The following PIK3CA variants were observed in gnomAD, a reference collection of about 807,000 sequenced individuals.
PIK3CA encodes the protein phosphatidylinositol-4,5-bisphosphate 3-kinase catalytic subunit alpha.
PIK3CA carries 27 observed loss-of-function variants against 138.2 expected under a neutral mutation model. That is an observed-to-expected ratio of 0.20 (90% CI 0.14 to 0.27). PIK3CA has a LOEUF of 0.27. PIK3CA is among the 10% of genes least tolerant of loss of function. The pLI is 1.00. For missense variants in PIK3CA, 544 were observed against 1,277.4 expected, an observed-to-expected ratio of 0.43 and a Z score of 8.75; for synonymous variants, 358 against 413.2, an observed-to-expected ratio of 0.87 and a Z score of 1.62.
chr3:179,171,822 A>G (rs1420096317), intron 1 of PIK3CA, among the ~76,000 whole-genome samples: 1 of 152,140 alleles, frequency 6.6e-6, no homozygotes, highest in East Asian at 1.9e-4. Flanking sequence ...GAAGAAAAAA[A>G]TACAAGTCCC....
chr3:179,214,613 C>G (rs1724795335), intron 9 of PIK3CA, among the ~76,000 whole-genome samples: 1 of 151,958 alleles, frequency 6.6e-6, no homozygotes, highest in Non-Finnish European at 1.5e-5. Flanking sequence ...AAATGTGACA[C>G]AGAGACAAAA....
chr3:179,197,957 C>T (rs996028791), intron 1 of PIK3CA, among the ~76,000 whole-genome samples: 1 of 152,158 alleles, frequency 6.6e-6, no homozygotes, highest in Non-Finnish European at 1.5e-5. Flanking sequence ...GAACATTGCA[C>T]TAACAGAGAG....
chr3:179,197,302 G>A (rs962582170), intron 1 of PIK3CA, among the ~76,000 whole-genome samples: 4 of 152,154 alleles, frequency 2.6e-5, no homozygotes, highest in African/African-American at 9.7e-5. Context: ...CTCCCAAAAT[G>A]CTAGGATTAC....
chr3:179,206,824 G>A (rs1724573294), intron 6 of PIK3CA, among the ~76,000 whole-genome samples: 1 of 151,696 alleles, frequency 6.6e-6, no homozygotes, highest in African/African-American at 2.4e-5. Flanking sequence ...AGGGTGAGGT[G>A]GGAGGATCAC....
chr3:179,220,248 C>T lies in PIK3CA; in HGVS notation c.2015+196C>T, dbSNP rs1442913589. Among the ~76,000 whole-genome samples, 4 of 152,112 alleles carry T rather than the reference C, an allele frequency of 2.6e-5. No homozygotes were observed. The highest frequency in any genetic ancestry group is 7.2e-5 in the African/African-American group (3 of 41,460). On this transcript the variant is annotated intron_variant, in intron 13 of 20. Coordinates refer to ENST00000263967, the MANE Select transcript of PIK3CA (RefSeq NM_006218.4). This position sits in a 1 kb window ranked among gnomAD's most constrained non-coding sequence, Gnocchi z 4.1. The stretch of plus-strand genomic sequence containing the variant: ...AATTTAAAAAGCAGTAAATTCAAAA[C>T]TAAATTTTAGTCATGAATGAGAGCT...
intron 1 of PIK3CA, among the ~76,000 whole-genome samples, chr3:179,171,093 T>C (rs1000129040): frequency 6.6e-6 from 1 of 152,078 alleles, no homozygotes; most frequent in Non-Finnish European, 1.5e-5. Context: ...TTATATGGTA[T>C]GTTTTGCAAC....
Position 179,237,068 on chromosome 3 carries a change from AAC to A in PIK3CA, c.*2709_*2710del, listed in dbSNP as rs1348659456. 3 of 195,158 alleles carry A rather than the reference AAC, an allele frequency of 1.5e-5. No homozygotes were observed. The highest frequency in any genetic ancestry group is 1.9e-4 in the South Asian group (1 of 5,206). 12.1% of individuals were successfully genotyped at this position (195,158 alleles called of 1,614,324 possible). A position where few individuals can be genotyped will look rare whatever the true frequency, so the allele number is the denominator to read the frequency against. On this transcript the variant is annotated 3_prime_UTR_variant, in exon 21 of 21. Transcript: ENST00000263967. ...TCTAAAAGTAATAAAAATAATTTTA[AAC>A]ACACTGTAGTAAGAAATGACTGTTG...
chr3:179,223,184 GTGA>G (rs1311199229), intron 14 of PIK3CA, among the ~76,000 whole-genome samples: 1 of 152,184 alleles, frequency 6.6e-6, no homozygotes, highest in Non-Finnish European at 1.5e-5. Context: ...TATCTAGTCA[GTGA>G]TGATTAGATT....
rs2108417928 is a variant in PIK3CA at position 179,224,742 on chromosome 3, G to A, written c.2337G>A (p.Leu779=). 6.2e-7 allele frequency: 1 copy of A among 1,608,872 alleles called. No homozygotes were observed. Among genetic ancestry groups the A allele is most frequent in the African/African-American group, 1.3e-5 (1 of 74,876 alleles). ...CRIMSSAKRP[L]WLNWENPDIM... is the part of the protein sequence containing the mutation. ...TTATGTCCTCTGCAAAAAGGCCACT[G>A]TGGTTGAATTGGGAGAACCCAGACA... is the stretch of plus-strand genomic sequence containing the variant. The change falls in exon 16 of 21, where the codon CTG becomes CTA. Residue 779 remains leucine (L), a synonymous_variant. Coordinates refer to ENST00000263967, the MANE Select transcript of PIK3CA (RefSeq NM_006218.4).
In PIK3CA at chr3:179,225,921, T is replaced by A; in HGVS notation, c.2417-41T>A. On this transcript the variant is annotated intron_variant, in intron 16 of 20. Transcript: ENST00000263967. Reference sequence around the variant, plus strand: ...TGATGGCGTGATCCCCAAATTTGCATCTGTGGCATTAAATGGTGATACATA... The same window carrying A: ...TGATGGCGTGATCCCCAAATTTGCAACTGTGGCATTAAATGGTGATACATA... The A allele has an allele frequency of 3.0e-6, 3 of 1,001,438 alleles. No homozygotes were observed. The South Asian group carries it at 3.9e-5, about 13-fold the overall frequency. The allele number at this position is 1,001,438 out of a possible 1,614,324, so 62.0% of individuals were successfully genotyped here. A position where few individuals can be genotyped will look rare whatever the true frequency, so the allele number is the denominator to read the frequency against.
chr3:179,238,854 C>T lies in PIK3CA; in HGVS notation c.*4490C>T, dbSNP rs1233310531. The T allele has an allele frequency of 9.1e-6, 2 of 220,438 alleles. No homozygotes were observed. Among genetic ancestry groups the T allele is most frequent in the African/African-American group, 2.2e-5 (1 of 44,554 alleles). 13.7% of individuals were successfully genotyped at this position (220,438 alleles called of 1,614,324 possible). A position where few individuals can be genotyped will look rare whatever the true frequency, so the allele number is the denominator to read the frequency against. On this transcript the variant is annotated 3_prime_UTR_variant, in exon 21 of 21. Coordinates refer to ENST00000263967, the MANE Select transcript of PIK3CA (RefSeq NM_006218.4). ...AAAGAAATATCAAGGTTCTAAAATT[C>T]GGAAGAGTTTAGAATTTATTAGGAG...
chr3:179,154,211 G>A (rs1723077485), intron 1 of PIK3CA, among the ~76,000 whole-genome samples: 1 of 152,098 alleles, frequency 6.6e-6, no homozygotes, highest in Admixed American at 6.6e-5. Flanking sequence ...TGCCTAAAAC[G>A]GGTCCTCCTG....
chr3:179,199,959 A>G (rs187813991), intron 3 of PIK3CA, 60 bp downstream of exon 3: 60 of 1,005,640 alleles, frequency 6.0e-5, no homozygotes, highest in South Asian at 1.5e-4. Context: ...ACCTGTGTCT[A>G]TATCTTTGTA....
intron 1 of PIK3CA, among the ~76,000 whole-genome samples, chr3:179,178,119 G>GTT (rs79518577): frequency 3.1e-5 from 4 of 128,858 alleles, no homozygotes; most frequent in Non-Finnish European, 4.8e-5. Flanking sequence ...TTTTTTTTGT[G>GTT]TTTTTTTTTT....
chr3:179,209,055 A>C (rs1414315139), intron 6 of PIK3CA, among the ~76,000 whole-genome samples: 1 of 148,452 alleles, frequency 6.7e-6, no homozygotes, highest in Non-Finnish European at 1.5e-5. Flanking sequence ...TTATAAATAT[A>C]AATAAGTTTT....
intron 1 of PIK3CA, among the ~76,000 whole-genome samples, chr3:179,171,787 C>G (rs185711761): frequency 5.3e-5 from 8 of 152,098 alleles, no homozygotes; most frequent in Admixed American, 5.2e-4. Context: ...AATGGCATAG[C>G]TAGTAATTCT....
rs1033611642 is a variant in PIK3CA at position 179,236,869 on chromosome 3, T to C, written c.*2505T>C. 3.8e-5 allele frequency: 8 copies of C among 208,992 alleles called. No homozygotes were observed. The highest frequency in any genetic ancestry group is 3.6e-4 in the Admixed American group (6 of 16,872). 12.9% of individuals were successfully genotyped at this position (208,992 alleles called of 1,614,324 possible). ...ACTAAGATCTGTTTCAAGTCAGTGA[T>C]AATATAGCCACTTCTGGGTACTTCA... On this transcript the variant is annotated 3_prime_UTR_variant, in exon 21 of 21. Transcript: ENST00000263967.
chr3:179,153,966 T>G (rs775067636), intron 1 of PIK3CA, among the ~76,000 whole-genome samples: 8 of 152,252 alleles, frequency 5.3e-5, no homozygotes, highest in Non-Finnish European at 1.2e-4. Flanking sequence ...ATTTTATCAC[T>G]GTATACCTTA....
At chr3:179,151,656 A>G (rs1723016745) in intron 1 of PIK3CA, among the ~76,000 whole-genome samples, 1 of 152,184 alleles carries the variant, frequency 6.6e-6, no homozygotes, top group African/African-American at 2.4e-5. Flanking sequence ...AAGGACCTGT[A>G]TATTTGGTCC....
Sources: allele counts gnomAD v4.1 joint callset (sites outside exome capture counted in the v4.1 genomes callset), GRCh38; gene constraint gnomAD v4.1.1; non-coding constraint Gnocchi (gnomAD v3.1); transcripts MANE v1.5; gene names NCBI Gene and HGNC (gene_info 2026-07-23, HGNC 2026-07-21).